Variants in PCNX2 observed in about 807,000 individuals in gnomAD.
PCNX2 encodes the protein pecanex-like protein 2.
PCNX2 carries 168 observed loss-of-function variants against 223.8 expected under a neutral mutation model. The observed-to-expected ratio is 0.75, with a 90% CI of 0.66 to 0.85. PCNX2 has a LOEUF of 0.85. Among genes scored for constraint, PCNX2 ranks in the 40% least tolerant of loss-of-function variants. The pLI is 0.00. For missense variants in PCNX2, 2,507 were observed against 2,675.5 expected (o/e 0.94, Z 1.39); for synonymous variants, 1,006 against 1,052.6 (o/e 0.96, Z 0.86).
At chr1:233,292,001 A>T in intron 1 of PCNX2, 1 of 983,506 alleles carries the variant, frequency 1.0e-6, no homozygotes, top group Non-Finnish European at 1.2e-6. Flanking sequence ...TACATTTCCA[A>T]ACATTTCTCA....
chr1:233,180,584 T>C (rs1263214420), intron 15 of PCNX2, among the ~76,000 whole-genome samples: 1 of 152,170 alleles, frequency 6.6e-6, no homozygotes, highest in Admixed American at 6.5e-5. Context: ...GAGTCAAGTG[T>C]GCTTAGCAGT....
rs1036243033 is a variant in PCNX2 at position 233,143,456 on chromosome 1, T to C, written c.3518-3601A>G. 2.0e-5 allele frequency among the ~76,000 whole-genome samples: 3 copies of C among 152,210 alleles called. No homozygotes were observed. The East Asian group carries it at 5.8e-4, about 29-fold the overall frequency. Reference sequence around the variant, plus strand: ...TACTCCTGGACCTCAGGGAATACTTTCAGGAACAGCAGAGCCAGCAGTACC... The same window carrying C: ...TACTCCTGGACCTCAGGGAATACTTCCAGGAACAGCAGAGCCAGCAGTACC... On this transcript the variant is annotated intron_variant, in intron 19 of 33. Coordinates refer to ENST00000258229, the MANE Select transcript of PCNX2 (RefSeq NM_014801.4).
intron 13 of PCNX2, among the ~76,000 whole-genome samples, chr1:233,207,145 G>A (rs564378273): frequency 2.5e-4 from 38 of 152,250 alleles, no homozygotes; most frequent in African/African-American, 8.7e-4. Flanking sequence ...TAAGAATGAA[G>A]AGTTCACTAT....
chr1:232,998,286 T>G lies in PCNX2; in HGVS notation c.5756A>C (p.His1919Pro). 1.2e-6 allele frequency: 2 copies of G among 1,604,062 alleles called. No homozygotes were observed. Among genetic ancestry groups the G allele is most frequent in the Non-Finnish European group, 1.7e-6 (2 of 1,175,060 alleles). ...AEQPRKGGAQHGVSSCEGTQR... is the reference protein window; with the variant it reads ...AEQPRKGGAQPGVSSCEGTQR... Reference sequence around the variant, plus strand: ...TGTCCCTTCACAGGATGACACCCCGTGCTGAGCACCGCCTTTTCTGGGCTG... The same window carrying G: ...TGTCCCTTCACAGGATGACACCCCGGGCTGAGCACCGCCTTTTCTGGGCTG... Residue 1919 changes from histidine to proline, a missense_variant, in exon 32 of 34, where the codon CAC (histidine) becomes CCC (proline). Physicochemically the swap from His to Pro is moderately conservative, Grantham distance 77. Coordinates refer to ENST00000258229, the MANE Select transcript of PCNX2 (RefSeq NM_014801.4).
chr1:233,002,563 G>A (rs1207592280), intron 28 of PCNX2, among the ~76,000 whole-genome samples: 2 of 152,174 alleles, frequency 1.3e-5, no homozygotes, highest in South Asian at 2.1e-4. Flanking sequence ...TCAATATTGT[G>A]AAAATGGCCA....
chr1:233,297,991 G>A (rs763533299), upstream of PCNX2, among the ~76,000 whole-genome samples: 18 of 152,298 alleles, frequency 1.2e-4, no homozygotes, highest in Admixed American at 3.3e-4. Context: ...TAAGATATAG[G>A]AAGATTAGCA....
In PCNX2 at chr1:233,295,318, C is replaced by A; in HGVS notation, c.153+8G>T. ...ACAGCTCCCCGGGACCGGACCCTCC[C>A]CACTCACCAGGTGCAGGGCCAGGGG... On this transcript the variant is annotated splice_region_variant and intron_variant, in intron 1 of 33. Coordinates refer to ENST00000258229, the MANE Select transcript of PCNX2 (RefSeq NM_014801.4). The surrounding 1 kb of genome is among the most constrained non-coding windows in gnomAD (Gnocchi z 4.1). The A allele has an allele frequency of 6.3e-7, 1 of 1,574,868 alleles. No individual in the cohort carries two copies. Among genetic ancestry groups the A allele is most frequent in the East Asian group, 2.4e-5 (1 of 42,520 alleles).
chr1:233,122,184 G>A (rs143031370), intron 21 of PCNX2, among the ~76,000 whole-genome samples: 407 of 151,832 alleles, frequency 2.7e-3, no homozygotes, highest in African/African-American at 9.3e-3. Flanking sequence ...GCTCCAAGTA[G>A]CCAAAGTTGA....
At chr1:233,220,682 C>A (rs1249546000) in intron 10 of PCNX2, among the ~76,000 whole-genome samples, 1 of 151,620 alleles carries the variant, frequency 6.6e-6, no homozygotes, top group African/African-American at 2.4e-5. Context: ...GATGACAATC[C>A]TTCGTTTTTT....
chr1:233,285,597 C>A (rs1262718269), intron 1 of PCNX2, among the ~76,000 whole-genome samples: 1 of 152,138 alleles, frequency 6.6e-6, no homozygotes. Context: ...ATTGCTTGAA[C>A]CTGCGAGGCA....
intron 1 of PCNX2, among the ~76,000 whole-genome samples, chr1:233,270,973 T>G (rs1425246009): frequency 6.6e-6 from 1 of 152,248 alleles, no homozygotes; most frequent in Non-Finnish European, 1.5e-5. Flanking sequence ...TCTTCTCTTC[T>G]GATAGAGAAT....
In PCNX2 at chr1:233,198,988, C is replaced by T. The variant is rs1336361756; in HGVS notation, c.3017G>A (p.Ser1006Asn). 3 of 1,605,664 alleles carry T rather than the reference C, an allele frequency of 1.9e-6. No individual in the cohort carries two copies. The highest frequency in any genetic ancestry group is 1.7e-5 in the Admixed American group (1 of 59,138). Residue 1006 changes from serine (S) to asparagine (N), a missense_variant, in exon 15 of 34, where the codon AGC becomes AAC. Transcript: ENST00000258229. ...ITSAVYSVARSVLAAALLHAV... is the reference protein window; with the variant it reads ...ITSAVYSVARNVLAAALLHAV... ...GTGGAGCAGGGCGGCAGCCAAGACG[C>T]TCCGGGCCACACTGTAAACAGCCGA...
chr1:233,215,915 G>A (rs1682096907), intron 12 of PCNX2, among the ~76,000 whole-genome samples: 1 of 152,156 alleles, frequency 6.6e-6, no homozygotes, highest in African/African-American at 2.4e-5. Context: ...ACCAATTATG[G>A]GGAACAGAGG....
At chr1:232,984,842 CCA>C (rs1346191980) in intron 33 of PCNX2, 4 of 180,544 alleles carry the variant, frequency 2.2e-5, no homozygotes, top group African/African-American at 9.5e-5. Flanking sequence ...AGGCTTGACC[CCA>C]GTAGAACACA....
At chr1:233,183,978 G>C (rs74145095) in intron 15 of PCNX2, among the ~76,000 whole-genome samples, 3 of 152,150 alleles carry the variant, frequency 2.0e-5, no homozygotes, top group Non-Finnish European at 4.4e-5. Context: ...CATCCACCTA[G>C]GGCTTCTCTT....
At chr1:233,251,874 T>C (rs1659473977) in intron 7 of PCNX2, among the ~76,000 whole-genome samples, 3 of 152,270 alleles carry the variant, frequency 2.0e-5, no homozygotes, top group African/African-American at 7.2e-5. Context: ...TTTTAAATCC[T>C]TTTTATAACA....
At chr1:233,069,502 CAG>C (rs1672756681) in intron 23 of PCNX2, among the ~76,000 whole-genome samples, 1 of 151,964 alleles carries the variant, frequency 6.6e-6, no homozygotes. Flanking sequence ...TGAAATCATA[CAG>C]AGTTTGTTCT....
upstream of PCNX2, among the ~76,000 whole-genome samples, chr1:233,297,679 A>G (rs920232381): frequency 3.3e-5 from 5 of 152,148 alleles, 1 homozygote; most frequent in Admixed American, 2.6e-4. Flanking sequence ...GGAATGGGAG[A>G]AACGGAACAG....
chr1:233,211,251 T>C (rs1681800751), intron 12 of PCNX2, among the ~76,000 whole-genome samples: 1 of 152,014 alleles, frequency 6.6e-6, no homozygotes, highest in Non-Finnish European at 1.5e-5. Flanking sequence ...ATGTGCCAGC[T>C]CCAGGCTTCA....
Sources: gnomAD v4.1 joint callset for allele counts (sites outside exome capture counted in the v4.1 genomes callset) on GRCh38, gnomAD v4.1.1 for gene constraint, Gnocchi (gnomAD v3.1) non-coding constraint, MANE v1.5 for transcripts, NCBI Gene and HGNC (gene_info 2026-07-23, HGNC 2026-07-21) for gene names.